Variants in TACC2 observed in about 807,000 individuals in gnomAD.
The protein encoded by TACC2 is transforming acidic coiled-coil containing protein 2, also known as transforming acidic coiled-coil-containing protein 2.
A neutral mutation model predicts 227.3 loss-of-function variants in TACC2; 137 were observed. The observed-to-expected ratio is 0.60, with a 90% CI of 0.52 to 0.69. The LOEUF (loss-of-function observed/expected upper bound fraction) is 0.69. Ranked by LOEUF, TACC2 falls within the 30% of genes least tolerant of loss-of-function variation. The probability of loss-of-function intolerance (pLI) is 0.00; values close to 1 mark genes in which losing one functional copy is unlikely to be tolerated. For synonymous variants in TACC2, 1,523 were observed against 1,487.5 expected (o/e 1.02, Z -0.55); for missense variants, 3,470 against 3,694.4 (o/e 0.94, Z 1.57).
intron 3 of TACC2, among the ~76,000 whole-genome samples, chr10:122,067,031 C>T (rs1232807582): frequency 1.3e-5 from 2 of 152,154 alleles, no homozygotes; most frequent in Non-Finnish European, 2.9e-5. Flanking sequence ...TCCCATAATA[C>T]ATATTATTTG....
Position 122,141,434 on chromosome 10 carries a change from C to T in TACC2, c.5700-2138C>T, listed in dbSNP as rs906654344. 2.0e-5 allele frequency among the ~76,000 whole-genome samples: 3 copies of T among 152,102 alleles called. No homozygotes were observed. Among genetic ancestry groups the T allele is most frequent in the Non-Finnish European group, 4.4e-5 (3 of 68,024 alleles). On this transcript the variant is annotated intron_variant, in intron 6 of 22. Transcript: ENST00000369005. This position sits in a 1 kb window ranked among gnomAD's most constrained non-coding sequence, Gnocchi z 4.3. Reference sequence around the variant, plus strand: ...CAGCGCAGGAAGGGTGTGGCCATGGCAGTTGGGACCAACAGAAGGAAGGGA... The same window carrying T: ...CAGCGCAGGAAGGGTGTGGCCATGGTAGTTGGGACCAACAGAAGGAAGGGA...
At chr10:122,127,327 T>C (rs1433340270) in intron 5 of TACC2, among the ~76,000 whole-genome samples, 1 of 152,198 alleles carries the variant, frequency 6.6e-6, no homozygotes, top group Non-Finnish European at 1.5e-5. Context: ...AGTGCCCGCC[T>C]TGGGGCTCTT....
At chr10:122,134,696 A>C (rs1398086413) in intron 6 of TACC2, among the ~76,000 whole-genome samples, 1 of 152,128 alleles carries the variant, frequency 6.6e-6, no homozygotes, top group African/African-American at 2.4e-5. Flanking sequence ...GGCTGTAGCC[A>C]ATGGGGCACG....
At chr10:122,203,963 C>G (rs1024232672) in intron 8 of TACC2, among the ~76,000 whole-genome samples, 10 of 151,816 alleles carry the variant, frequency 6.6e-5, no homozygotes, top group African/African-American at 2.4e-4. Context: ...GGAGACCAGC[C>G]CGGCCAACAC....
chr10:122,125,144 C>T (rs916001031), intron 5 of TACC2, among the ~76,000 whole-genome samples: 8 of 152,286 alleles, frequency 5.3e-5, no homozygotes, highest in African/African-American at 1.9e-4. Flanking sequence ...GTCATGCCCC[C>T]AGACTCTCCT....
chr10:122,065,550 C>G (rs1003653072), intron 3 of TACC2, among the ~76,000 whole-genome samples: 1 of 152,022 alleles, frequency 6.6e-6, no homozygotes, highest in African/African-American at 2.4e-5. Flanking sequence ...CTCCCTTGTA[C>G]GTGTTCCATC....
At chr10:122,009,666 A>T (rs1955681400) in intron 1 of TACC2, among the ~76,000 whole-genome samples, 1 of 152,146 alleles carries the variant, frequency 6.6e-6, no homozygotes, top group Non-Finnish European at 1.5e-5. Flanking sequence ...GGTGGCTCAC[A>T]CCTTTAATCC....
chr10:122,083,407 G>T lies in TACC2; in HGVS notation c.907G>T (p.Asp303Tyr). Residue 303 changes from aspartate (D) to tyrosine (Y), a missense_variant, in exon 4 of 23, where the codon GAC (aspartate) becomes TAC (tyrosine). By Grantham distance (160) the Asp-to-Tyr change is radical. Around this residue, in one of 10 missense-constraint regions of TACC2, gnomAD observed 405 missense variants for 389.6 expected, o/e 1.04. Transcript: ENST00000369005. ...GGCGCCGCCTCAGTATTTAACAGAT[G>T]ACTTGGAATTCCTCAGGGCCTGCCA... ...GEAPPQYLTD[D>Y]LEFLRACHLP... The T allele has an allele frequency of 6.2e-7, 1 of 1,613,816 alleles. No homozygotes were observed.
At chr10:122,010,199 A>AC (rs1426048197) in intron 1 of TACC2, among the ~76,000 whole-genome samples, 5 of 151,844 alleles carry the variant, frequency 3.3e-5, no homozygotes, top group Admixed American at 3.3e-4. Flanking sequence ...CAGCCTCCCC[A>AC]CCCCTTCATT....
Position 122,082,195 on chromosome 10 carries a change from C to T in TACC2, c.147-452C>T, listed in dbSNP as rs376868672. The stretch of plus-strand genomic sequence containing the variant: ...TGGTGGTGCAAACCTGTGGTCCCAG[C>T]TACTTGGGAGGTTGAGGTGGGAGCA... On this transcript the variant is annotated intron_variant, in intron 3 of 22. Coordinates refer to ENST00000369005, the MANE Select transcript of TACC2 (RefSeq NM_206862.4). Among the ~76,000 whole-genome samples, 85 of 152,262 alleles carry T rather than the reference C, an allele frequency of 5.6e-4. 2 individuals are homozygous for T. The highest frequency in any genetic ancestry group is 1.9e-3 in the African/African-American group (80 of 41,554).
In TACC2 at chr10:122,194,943, A is replaced by G. The variant is rs2094516709; in HGVS notation, c.5835-97A>G. 7.7e-7 allele frequency: 1 copy of G among 1,306,774 alleles called. No individual in the cohort carries two copies. Among genetic ancestry groups the G allele is most frequent in the South Asian group, 1.4e-5 (1 of 72,616 alleles). 80.9% of individuals were successfully genotyped at this position (1,306,774 alleles called of 1,614,324 possible). A position where few individuals can be genotyped will look rare whatever the true frequency, so the allele number is the denominator to read the frequency against. On this transcript the variant is annotated intron_variant, in intron 7 of 22. Coordinates refer to ENST00000369005, the MANE Select transcript of TACC2 (RefSeq NM_206862.4). The surrounding 1 kb of genome is among the most constrained non-coding windows in gnomAD (Gnocchi z 4.4). ...CCCTGCACAGTTTAACTGAGCAGCG[A>G]GCCAGAACCCACTGGCTCTGGGTGC...
chr10:122,195,492 A>T (rs191967462), intron 8 of TACC2, among the ~76,000 whole-genome samples: 22 of 152,316 alleles, frequency 1.4e-4, no homozygotes, highest in Admixed American at 1.4e-3. Context: ...TTTTAAGAAC[A>T]TTAGCTGTGG....
intron 7 of TACC2, among the ~76,000 whole-genome samples, chr10:122,145,132 G>T (rs1415942557): frequency 1.3e-5 from 2 of 152,090 alleles, no homozygotes; most frequent in Non-Finnish European, 2.9e-5. Flanking sequence ...TTCTTATAAA[G>T]GTAAACATAA....
chr10:122,071,436 C>A (rs1009035134), intron 3 of TACC2, among the ~76,000 whole-genome samples: 1 of 151,904 alleles, frequency 6.6e-6, no homozygotes, highest in African/African-American at 2.4e-5. Flanking sequence ...CTTTTAGGAC[C>A]CCAGGAGAGG....
chr10:122,207,368 C>T (rs1425004036), intron 8 of TACC2, among the ~76,000 whole-genome samples: 1 of 152,114 alleles, frequency 6.6e-6, no homozygotes, highest in Non-Finnish European at 1.5e-5. Flanking sequence ...CCCTTCTAGC[C>T]CTGTGAGGGG....
intron 2 of TACC2, among the ~76,000 whole-genome samples, chr10:122,048,857 T>C (rs767042847): frequency 1.9e-4 from 29 of 152,238 alleles, no homozygotes; most frequent in Non-Finnish European, 3.4e-4. Flanking sequence ...GTGTGTTCCA[T>C]GTAACGCGAG....
chr10:122,042,045 A>C (rs532922834), intron 2 of TACC2, among the ~76,000 whole-genome samples: 133 of 152,152 alleles, frequency 8.7e-4, no homozygotes, highest in Non-Finnish European at 1.4e-3. Flanking sequence ...TCCCAGGTTC[A>C]CGCCATTCTT....
At chr10:122,155,726 G>C (rs1255664696) in intron 7 of TACC2, among the ~76,000 whole-genome samples, 1 of 151,928 alleles carries the variant, frequency 6.6e-6, no homozygotes, top group African/African-American at 2.4e-5. Context: ...TATAAAGGTA[G>C]TTACAGGAAG....
intron 5 of TACC2, among the ~76,000 whole-genome samples, chr10:122,125,529 G>A (rs898657159): frequency 3.3e-5 from 5 of 151,972 alleles, no homozygotes; most frequent in African/African-American, 9.7e-5. Context: ...GCTCCTTCAC[G>A]CTGGAAGAAG....
Sources: allele counts gnomAD v4.1 joint callset (sites outside exome capture counted in the v4.1 genomes callset), GRCh38; gene constraint gnomAD v4.1.1; regional missense constraint gnomAD v4.1.1; non-coding constraint Gnocchi (gnomAD v3.1); transcripts MANE v1.5; gene names NCBI Gene and HGNC (gene_info 2026-07-23, HGNC 2026-07-21).